The following CDCP1 variants were observed in gnomAD, a reference collection of about 807,000 sequenced individuals.
CDCP1 encodes the protein CUB domain containing protein 1.
CDCP1 carries 29 observed loss-of-function variants against 60.2 expected under a neutral mutation model. The ratio of observed to expected loss-of-function variants is 0.48; its 90% confidence interval spans 0.36 to 0.66. CDCP1 has a LOEUF of 0.66. Among genes scored for constraint, CDCP1 ranks in the 30% least tolerant of loss-of-function variants. The pLI is 0.00. For missense variants in CDCP1, 876 were observed against 1,074.3 expected (o/e 0.82, Z 2.58); for synonymous variants, 387 against 431.1 (o/e 0.90, Z 1.27).
At chr3:45,100,882 C>T in intron 4 of CDCP1, among the ~76,000 whole-genome samples, 1 of 152,186 alleles carries the variant, frequency 6.6e-6, no homozygotes, top group East Asian at 1.9e-4. Flanking sequence ...GCTGTTCATC[C>T]TCATGATATC....
intron 1 of CDCP1, among the ~76,000 whole-genome samples, chr3:45,122,262 G>A (rs1698899066): frequency 6.6e-6 from 1 of 151,098 alleles, no homozygotes; most frequent in Non-Finnish European, 1.5e-5. Flanking sequence ...TCCTGCCTCA[G>A]CCTCCCGAGT....
In CDCP1 at chr3:45,118,635, G is replaced by A; in HGVS notation, c.83-14C>T. On this transcript the variant is annotated splice_polypyrimidine_tract_variant and intron_variant, in intron 1 of 8. Coordinates refer to ENST00000296129, the MANE Select transcript of CDCP1 (RefSeq NM_022842.5). Reference sequence around the variant, plus strand: ...TCTCAAAAGCTTCTGAAGGAAGGAAGGAAAATGAAGTAAGCAGGATGATTT... The same window carrying A: ...TCTCAAAAGCTTCTGAAGGAAGGAAAGAAAATGAAGTAAGCAGGATGATTT... 6.2e-7 allele frequency: 1 copy of A among 1,609,872 alleles called. No individual in the cohort carries two copies. Among genetic ancestry groups the A allele is most frequent in the African/African-American group, 1.3e-5 (1 of 74,938 alleles).
At chr3:45,117,607 T>C (rs1208475914) in intron 2 of CDCP1, among the ~76,000 whole-genome samples, 1 of 151,778 alleles carries the variant, frequency 6.6e-6, no homozygotes, top group Non-Finnish European at 1.5e-5. Context: ...CTTTTTTTTT[T>C]TTTTTTTGAG....
At chr3:45,103,874 C>A (rs1337576594) in intron 4 of CDCP1, among the ~76,000 whole-genome samples, 1 of 152,336 alleles carries the variant, frequency 6.6e-6, no homozygotes, top group Non-Finnish European at 1.5e-5. Context: ...AAATAAATCT[C>A]TTTTCTTTAT....
At chr3:45,101,417 C>T (rs1030353925) in intron 4 of CDCP1, among the ~76,000 whole-genome samples, 1 of 152,208 alleles carries the variant, frequency 6.6e-6, no homozygotes, top group African/African-American at 2.4e-5. Context: ...CTGGACCCAA[C>T]TGCCTCTCCT....
At position 45,095,515 on chromosome 3, in the gene CDCP1, C is replaced by G. The variant is rs1436015382; in HGVS notation, c.1078G>C (p.Glu360Gln). Residue 360 changes from glutamate (E) to glutamine (Q), a missense_variant, in exon 5 of 9, where the codon GAG becomes CAG. Transcript: ENST00000296129. ...SNERAMSLTI[E>Q]PRPVKQSRKF... ...CGGCTCTGTTTGACGGGCCGTGGCT[C>G]GATGGTGAGTGACATGGCTCGCTCA... 6.2e-7 allele frequency: 1 copy of G among 1,614,052 alleles called. No homozygotes were observed. The highest frequency in any genetic ancestry group is 8.5e-7 in the Non-Finnish European group (1 of 1,180,020).
intron 1 of CDCP1, among the ~76,000 whole-genome samples, chr3:45,136,953 G>T (rs976254894): frequency 6.6e-6 from 1 of 152,112 alleles, no homozygotes; most frequent in African/African-American, 2.4e-5. Context: ...CATTTGACAG[G>T]ACCCATTGAA....
In CDCP1 at chr3:45,085,417, C is replaced by A. The variant is rs1698170719; in HGVS notation, c.*221G>T. 1 of 550,910 alleles carries A rather than the reference C, an allele frequency of 1.8e-6. No homozygotes were observed. Among genetic ancestry groups the A allele is most frequent in the Admixed American group, 3.2e-5 (1 of 30,956 alleles). 34.1% of individuals were successfully genotyped at this position (550,910 alleles called of 1,614,324 possible). On this transcript the variant is annotated 3_prime_UTR_variant, in exon 9 of 9. Transcript: ENST00000296129. The surrounding 1 kb of genome is among the most constrained non-coding windows in gnomAD (Gnocchi z 4.2). ...ACCGCACAGCCTAAGTTGAGGAGCA[C>A]ATGAGCTGTCATGACTGTATCCAGA...
At chr3:45,128,185 TG>T (rs1429176940) in intron 1 of CDCP1, among the ~76,000 whole-genome samples, 3 of 152,188 alleles carry the variant, frequency 2.0e-5, no homozygotes, top group Non-Finnish European at 4.4e-5. Context: ...ACCTCCCACC[TG>T]CAGTGGGCCT....
chr3:45,096,623 C>CAAAAAAAAAAAA (rs5848726), intron 4 of CDCP1, among the ~76,000 whole-genome samples: 6 of 53,176 alleles, frequency 1.1e-4, no homozygotes, highest in Non-Finnish European at 1.3e-4. Context: ...GACTCCGTCT[C>CAAAAAAAAAAAA]AAAAAAAAAA....
At position 45,085,623 on chromosome 3, in the gene CDCP1, C is replaced by G; in HGVS notation, c.*15G>C. 1.2e-6 allele frequency: 2 copies of G among 1,602,658 alleles called. No homozygotes were observed. The highest frequency in any genetic ancestry group is 1.7e-6 in the Non-Finnish European group (2 of 1,172,714). On this transcript the variant is annotated 3_prime_UTR_variant, in exon 9 of 9. Transcript: ENST00000296129. This position sits in a 1 kb window ranked among gnomAD's most constrained non-coding sequence, Gnocchi z 4.2. Reference sequence around the variant, plus strand: ...TGCTTTATGAAACTCAGCAAAGCGTCTGGAATGGATCAAGTTATTCTGCTG... The same window carrying G: ...TGCTTTATGAAACTCAGCAAAGCGTGTGGAATGGATCAAGTTATTCTGCTG...
rs1389804439 is a variant in CDCP1, at chr3:45,122,159, T to TG, written c.83-3539_83-3538insC. 4.6e-3 allele frequency among the ~76,000 whole-genome samples: 703 copies of TG among 151,906 alleles called. 4 individuals carry two copies. Among genetic ancestry groups the TG allele is most frequent in the African/African-American group, 0.016 (646 of 41,432 alleles). On this transcript the variant is annotated intron_variant, in intron 1 of 8. Coordinates refer to ENST00000296129, the MANE Select transcript of CDCP1 (RefSeq NM_022842.5). Reference sequence around the variant, plus strand: ...TATAATCTGTATTTTTTTTTTTTTTTTTGAGACGGAATCTCACTCTGTTGC... The same window carrying TG: ...TATAATCTGTATTTTTTTTTTTTTTTGTTGAGACGGAATCTCACTCTGTTGC...
chr3:45,097,180 G>A (rs372740854), intron 4 of CDCP1, among the ~76,000 whole-genome samples: 4 of 151,828 alleles, frequency 2.6e-5, no homozygotes, highest in Non-Finnish European at 4.4e-5. Flanking sequence ...GGTGGTGGGC[G>A]CCTGTAATCC....
intron 4 of CDCP1, among the ~76,000 whole-genome samples, chr3:45,106,736 C>A (rs1432231220): frequency 6.6e-6 from 1 of 152,166 alleles, no homozygotes; most frequent in South Asian, 2.1e-4. Context: ...TCCCCTGCTT[C>A]TGGGGACAAA....
At chr3:45,095,682 A>G in intron 4 of CDCP1, 114 bp from the exon 5 acceptor site, 2 of 765,110 alleles carry the variant, frequency 2.6e-6, no homozygotes, top group Non-Finnish European at 2.2e-6. Context: ...CAGACCATGG[A>G]TGGATAATGT....
At chr3:45,134,238 C>T (rs1170234542) in intron 1 of CDCP1, among the ~76,000 whole-genome samples, 1 of 152,092 alleles carries the variant, frequency 6.6e-6, no homozygotes, top group Non-Finnish European at 1.5e-5. Flanking sequence ...CATTCTCCTG[C>T]CTCAGCCTCC....
intron 1 of CDCP1, among the ~76,000 whole-genome samples, chr3:45,126,173 TC>T (rs1698992923): frequency 1.5e-5 from 2 of 137,204 alleles, no homozygotes; most frequent in African/African-American, 5.7e-5. Flanking sequence ...TTTCTTTCTT[TC>T]CTTCTTTCTC....
At chr3:45,125,576 T>C (rs1045831822) in intron 1 of CDCP1, among the ~76,000 whole-genome samples, 2 of 152,218 alleles carry the variant, frequency 1.3e-5, no homozygotes, top group African/African-American at 4.8e-5. Context: ...GTATTGTTGA[T>C]ATTATCAATG....
intron 1 of CDCP1, among the ~76,000 whole-genome samples, chr3:45,125,061 C>G (rs1057132734): frequency 2.0e-5 from 3 of 152,146 alleles, no homozygotes; most frequent in Admixed American, 2.0e-4. Context: ...GAGGGCTTCA[C>G]AGAAGGCGTA....
Sources: allele counts gnomAD v4.1 joint callset (sites outside exome capture counted in the v4.1 genomes callset), GRCh38; gene constraint gnomAD v4.1.1; non-coding constraint Gnocchi (gnomAD v3.1); transcripts MANE v1.5; gene names NCBI Gene and HGNC (gene_info 2026-07-23, HGNC 2026-07-21).